PAXIP1: variants seen among roughly 807,000 people sequenced by gnomAD.
PAXIP1 encodes PAX-interacting protein 1.
Under a neutral mutation model 140.6 loss-of-function variants are expected in PAXIP1, and 19 were observed. The observed-to-expected ratio is 0.14, with a 90% CI of 0.09 to 0.20. PAXIP1 has a LOEUF of 0.20. PAXIP1 is among the 10% of genes least tolerant of loss of function. PAXIP1 has a pLI of 1.00. For synonymous variants in PAXIP1, 442 were observed against 444.6 expected (o/e 0.99, Z 0.07); for missense variants, 920 against 1,208.6 (o/e 0.76, Z 3.54).
intron 17 of PAXIP1, chr7:154,947,676 A>G (rs894637854): frequency 2.0e-5 from 9 of 456,160 alleles, no homozygotes; most frequent in Non-Finnish European, 3.1e-5. Flanking sequence ...TTGTGTACTT[A>G]TTTTTAAACA....
intron 2 of PAXIP1, among the ~76,000 whole-genome samples, chr7:154,996,400 G>C (rs956362934): frequency 1.3e-5 from 2 of 152,182 alleles, no homozygotes; most frequent in African/African-American, 4.8e-5. Flanking sequence ...GGAAAAAGTT[G>C]GGTTTGAATA....
Position 154,946,665 on chromosome 7 carries a change from T to G in PAXIP1, c.3057+14A>C, listed in dbSNP as rs967034739. 15 of 1,613,598 alleles carry G rather than the reference T, an allele frequency of 9.3e-6. No individual in the cohort carries two copies. The highest frequency in any genetic ancestry group is 1.3e-5 in the Non-Finnish European group (15 of 1,179,782). ...GGCAATGACGGACTCGCTGGCGGAC[T>G]CCACTCTACCCACCGAGTTCTGCTT... On this transcript the variant is annotated intron_variant, in intron 18 of 20. Transcript: ENST00000404141. This position sits in a 1 kb window ranked among gnomAD's most constrained non-coding sequence, Gnocchi z 4.9.
At position 154,946,495 on chromosome 7, in the gene PAXIP1, T is replaced by A. The variant is rs1474738548; in HGVS notation, c.3133+17A>T. Reference sequence around the variant, plus strand: ...GTGCGTGCACACATACTCACACAGGTAAGCGGGGAAACGTACCTATGCCTC... The same window carrying A: ...GTGCGTGCACACATACTCACACAGGAAAGCGGGGAAACGTACCTATGCCTC... On this transcript the variant is annotated intron_variant, in intron 19 of 20. Coordinates refer to ENST00000404141, the MANE Select transcript of PAXIP1 (RefSeq NM_007349.4). The surrounding 1 kb of genome is among the most constrained non-coding windows in gnomAD (Gnocchi z 4.9). The A allele has an allele frequency of 4.3e-6, 7 of 1,613,132 alleles. No individual in the cohort carries two copies. The highest frequency in any genetic ancestry group is 2.7e-5 in the African/African-American group (2 of 74,910).
intron 20 of PAXIP1, chr7:154,944,508 A>G (rs1338331594): frequency 5.5e-6 from 1 of 181,306 alleles, no homozygotes; most frequent in Non-Finnish European, 1.2e-5. Flanking sequence ...GCCCCACCAC[A>G]AATAGCTGAC....
chr7:154,957,969 G>C (rs987277435), intron 13 of PAXIP1, among the ~76,000 whole-genome samples: 1 of 83,240 alleles, frequency 1.2e-5, no homozygotes, highest in Non-Finnish European at 2.4e-5. Flanking sequence ...GCGAGACTCC[G>C]TCTCAAAAAA....
At chr7:154,964,235 A>T (rs1808899208) in intron 8 of PAXIP1, 2 of 154,610 alleles carry the variant, frequency 1.3e-5, no homozygotes, top group African/African-American at 4.8e-5. Context: ...ATAAAAAGCA[A>T]ATCAGAATGA....
chr7:154,965,377 A>G (rs1000776690), intron 8 of PAXIP1: 1 of 152,270 alleles, frequency 6.6e-6, no homozygotes. Context: ...CCCACGACCA[A>G]ACTGAGAGGT....
At chr7:154,990,731 C>T (rs1421666136) in intron 4 of PAXIP1, among the ~76,000 whole-genome samples, 22 of 152,040 alleles carry the variant, frequency 1.4e-4, no homozygotes, top group Non-Finnish European at 2.9e-5. Flanking sequence ...CTGAATTTTC[C>T]TTGTCATCTT....
At chr7:154,983,367 C>T (rs780190123) in intron 4 of PAXIP1, 35 bp from the exon 5 acceptor site, 9 of 1,027,942 alleles carry the variant, frequency 8.8e-6, no homozygotes, top group Non-Finnish European at 1.4e-5. Context: ...TTTTACCATA[C>T]ATTTCAATCT....
intron 14 of PAXIP1, among the ~76,000 whole-genome samples, chr7:154,955,966 T>C (rs73492074): frequency 0.024 from 3,590 of 152,322 alleles, 142 homozygotes; most frequent in African/African-American, 0.082. Context: ...CTTCTAAACA[T>C]CACTGATTTT....
chr7:154,967,627 G>T, intron 8 of PAXIP1, 189 bp downstream of exon 8: 1 of 553,768 alleles, frequency 1.8e-6, no homozygotes, highest in South Asian at 2.5e-5. Context: ...TCATCTAACA[G>T]CTGAGAAAAC....
In PAXIP1 at chr7:154,970,149, A is replaced by C. The variant is rs1053479688; in HGVS notation, c.1075-1023T>G. ...TTTTGTTCAACATGCTCAAGCAACA[A>C]AAATTTGAAACCAACTTCTTATGGT... is the stretch of plus-strand genomic sequence containing the variant. On this transcript the variant is annotated intron_variant, in intron 6 of 20. Coordinates refer to ENST00000404141, the MANE Select transcript of PAXIP1 (RefSeq NM_007349.4). Among the ~76,000 whole-genome samples the C allele has an allele frequency of 2.0e-5, 3 of 152,224 alleles. No homozygotes were observed. In the South Asian group the frequency reaches 6.2e-4, roughly 32 times the overall value.
At chr7:154,959,256 A>G (rs1808654205) in intron 13 of PAXIP1, among the ~76,000 whole-genome samples, 2 of 152,250 alleles carry the variant, frequency 1.3e-5, no homozygotes, top group Admixed American at 1.3e-4. Context: ...TTTCAAAACA[A>G]AGGTTAGTAT....
intron 4 of PAXIP1, among the ~76,000 whole-genome samples, chr7:154,985,486 G>A (rs577733449): frequency 1.5e-3 from 228 of 152,090 alleles, no homozygotes; most frequent in Non-Finnish European, 2.6e-3. Flanking sequence ...GCCCCGCTGC[G>A]CCCACCCTCC....
chr7:154,978,756 G>C (rs977633378), intron 5 of PAXIP1, among the ~76,000 whole-genome samples: 2 of 151,948 alleles, frequency 1.3e-5, no homozygotes, highest in Non-Finnish European at 1.5e-5. Context: ...TGTTGAAATA[G>C]TAAAATATGA....
At position 154,975,681 on chromosome 7, in the gene PAXIP1, G is replaced by C. The variant is rs755817321; in HGVS notation, c.1074+15C>G. The stretch of plus-strand genomic sequence containing the variant: ...AGATCCAATACTGACATTTTTTTCG[G>C]AAAGAGTGACTTACATGTGCTACAT... On this transcript the variant is annotated intron_variant, in intron 6 of 20. Coordinates refer to ENST00000404141, the MANE Select transcript of PAXIP1 (RefSeq NM_007349.4). 1.3e-6 allele frequency: 2 copies of C among 1,544,280 alleles called. No individual in the cohort carries two copies. Among genetic ancestry groups the C allele is most frequent in the African/African-American group, 1.4e-5 (1 of 72,626 alleles).
chr7:154,949,282 T>A (rs540414022), intron 16 of PAXIP1: 23 of 152,320 alleles, frequency 1.5e-4, no homozygotes, highest in African/African-American at 5.3e-4. Flanking sequence ...TTAAAAAATG[T>A]AAAAACCATT....
At position 154,957,824 on chromosome 7, in the gene PAXIP1, G is replaced by A. The variant is rs556319515; in HGVS notation, c.2479-530C>T. ...CTACTAAAAATACAAAAAATTAGCCGGGCGCGGTGGCAGGCGCCTGTAGTC... is the reference window on the plus strand; with the variant it reads ...CTACTAAAAATACAAAAAATTAGCCAGGCGCGGTGGCAGGCGCCTGTAGTC... On this transcript the variant is annotated intron_variant, in intron 13 of 20. Transcript: ENST00000404141. 9.4e-3 allele frequency among the ~76,000 whole-genome samples: 1,424 copies of A among 151,340 alleles called. 24 individuals are homozygous for A. Among genetic ancestry groups the A allele is most frequent in the African/African-American group, 0.031 (1,282 of 41,300 alleles).
chr7:154,945,615 G>C, intron 20 of PAXIP1: 1 of 948,568 alleles, frequency 1.1e-6, no homozygotes, highest in Non-Finnish European at 1.2e-6. Context: ...CACCCTCACA[G>C]AGAGGAGGAG....
Sources: gnomAD v4.1 joint callset for allele counts (sites outside exome capture counted in the v4.1 genomes callset) on GRCh38, gnomAD v4.1.1 for gene constraint, Gnocchi (gnomAD v3.1) non-coding constraint, MANE v1.5 for transcripts, NCBI Gene and HGNC (gene_info 2026-07-23, HGNC 2026-07-21) for gene names.